Variants in TRIM67 observed in about 807,000 individuals in gnomAD.
The protein encoded by TRIM67 is tripartite motif-containing protein 67.
TRIM67 carries 39 observed loss-of-function variants against 71.0 expected under a neutral mutation model. The ratio of observed to expected loss-of-function variants is 0.55; its 90% CI spans 0.43 to 0.72. The LOEUF (loss-of-function observed/expected upper bound fraction) is 0.72, where lower values mean the gene tolerates loss of function less well. Ranked by LOEUF, TRIM67 falls within the 30% of genes least tolerant of loss-of-function variation. The pLI is 0.00. For synonymous variants in TRIM67, 481 were observed against 473.9 expected, an observed-to-expected ratio of 1.01 and a Z score of -0.19; for missense variants, 973 against 1,079.2, an observed-to-expected ratio of 0.90 and a Z score of 1.38.
chr1:231,214,778 C>CAAAAAA (rs748778482), intron 9 of TRIM67, among the ~76,000 whole-genome samples: 2 of 43,926 alleles, frequency 4.6e-5, no homozygotes, highest in East Asian at 6.7e-4. Context: ...GACTTCATCT[C>CAAAAAA]AAAAAAAAAA....
At chr1:231,192,465 C>A (rs539612364) in intron 1 of TRIM67, among the ~76,000 whole-genome samples, 1 of 152,186 alleles carries the variant, frequency 6.6e-6, no homozygotes, top group Non-Finnish European at 1.5e-5. Flanking sequence ...CAGGTATGAG[C>A]CACTGCTCCA....
chr1:231,185,030 G>T (rs1040941615), intron 1 of TRIM67: 3 of 1,533,034 alleles, frequency 2.0e-6, no homozygotes, highest in East Asian at 2.4e-5. Flanking sequence ...TATTCTGCTT[G>T]CAGGGCCTAG....
chr1:231,207,623 G>A (rs923721797), intron 7 of TRIM67, among the ~76,000 whole-genome samples: 1 of 152,210 alleles, frequency 6.6e-6, no homozygotes, highest in East Asian at 1.9e-4. Flanking sequence ...GACTGCCACA[G>A]CTGGATGGTC....
At chr1:231,208,865 G>C in intron 7 of TRIM67, 82 bp from the exon 8 acceptor site, 1 of 1,374,100 alleles carries the variant, frequency 7.3e-7, no homozygotes, top group Non-Finnish European at 1.0e-6. Flanking sequence ...AGAAGCGAAT[G>C]TGTTTGTGTC....
In TRIM67 at chr1:231,206,793, G is replaced by A. The variant is rs748765510; in HGVS notation, c.1819+3G>A. 1.3e-6 allele frequency: 2 copies of A among 1,588,024 alleles called. No homozygotes were observed. Among genetic ancestry groups the A allele is most frequent in the Non-Finnish European group, 1.7e-6 (2 of 1,168,134 alleles). On this transcript the variant is annotated splice_donor_region_variant and intron_variant, in intron 7 of 9. Coordinates refer to ENST00000366653, the MANE Select transcript of TRIM67 (RefSeq NM_001004342.5). ...TGTCGTCCTGCAGACATCCGATGGT[G>A]AGCATCGGGATCTCTTAGTGGGAAG...
chr1:231,169,038 G>A (rs1345559322), intron 1 of TRIM67, among the ~76,000 whole-genome samples: 1 of 151,762 alleles, frequency 6.6e-6, no homozygotes, highest in Non-Finnish European at 1.5e-5. Flanking sequence ...CTCATTCTGA[G>A]TGGAAGCCCT....
intron 1 of TRIM67, among the ~76,000 whole-genome samples, chr1:231,195,929 T>C (rs910149891): frequency 3.3e-5 from 5 of 152,196 alleles, no homozygotes; most frequent in African/African-American, 1.2e-4. Flanking sequence ...TTGACAACCG[T>C]TGGTGTGGTC....
At chr1:231,169,462 C>T (rs1682566458) in intron 1 of TRIM67, among the ~76,000 whole-genome samples, 1 of 147,330 alleles carries the variant, frequency 6.8e-6, no homozygotes, top group Non-Finnish European at 1.5e-5. Flanking sequence ...TCACTGCAAC[C>T]TCTGCCTCCT....
Position 231,220,277 on chromosome 1 carries a change from C to T in TRIM67, c.*4837C>T, listed in dbSNP as rs1684110545. ...TAAAATAGACCTTTAAGACAGGTTT[C>T]CTATGACCATAGAAAGTAACACCCC... is the stretch of plus-strand genomic sequence containing the variant. On this transcript the variant is annotated 3_prime_UTR_variant, in exon 10 of 10. Transcript: ENST00000366653. 1 of 264,990 alleles carries T rather than the reference C, an allele frequency of 3.8e-6. No homozygotes were observed. Among genetic ancestry groups the T allele is most frequent in the African/African-American group, 2.2e-5 (1 of 44,736 alleles). 16.4% of individuals were successfully genotyped at this position (264,990 alleles called of 1,614,324 possible). A position where few individuals can be genotyped will look rare whatever the true frequency, so the allele number is the denominator to read the frequency against.
chr1:231,183,411 C>T (rs1382369056), intron 1 of TRIM67, among the ~76,000 whole-genome samples: 1 of 151,930 alleles, frequency 6.6e-6, no homozygotes, highest in Non-Finnish European at 1.5e-5. Flanking sequence ...CCAACCTGGG[C>T]AACACAGCAA....
chr1:231,187,428 T>C (rs1414505209), intron 1 of TRIM67: 1 of 1,144,820 alleles, frequency 8.7e-7, no homozygotes, highest in African/African-American at 1.6e-5. Context: ...ACATTTCTCA[T>C]TTATTTCTAC....
intron 8 of TRIM67, among the ~76,000 whole-genome samples, chr1:231,212,504 G>T (rs1440347526): frequency 6.6e-6 from 1 of 152,222 alleles, no homozygotes; most frequent in Non-Finnish European, 1.5e-5. Context: ...CCCAGCTAGA[G>T]AGAGTCTTAT....
At chr1:231,190,383 G>T (rs1472073820) in intron 1 of TRIM67, among the ~76,000 whole-genome samples, 1 of 152,140 alleles carries the variant, frequency 6.6e-6, no homozygotes, top group East Asian at 1.9e-4. Context: ...CAAACACAGG[G>T]AGCTGCAGGG....
At chr1:231,199,336 TC>T (rs1683457951) in intron 3 of TRIM67, among the ~76,000 whole-genome samples, 167 bp downstream of exon 3, 1 of 152,172 alleles carries the variant, frequency 6.6e-6, no homozygotes, top group Admixed American at 6.5e-5. Flanking sequence ...TCGGTTACAT[TC>T]ATGTGACCTG....
At chr1:231,188,065 G>A (rs1199079037) in intron 1 of TRIM67, among the ~76,000 whole-genome samples, 1 of 152,150 alleles carries the variant, frequency 6.6e-6, no homozygotes, top group African/African-American at 2.4e-5. Context: ...ATCTTTGTGA[G>A]AGCGTGATCT....
intron 2 of TRIM67, 45 bp from the exon 3 acceptor site, chr1:231,199,002 C>T: frequency 6.2e-7 from 1 of 1,613,156 alleles, no homozygotes; most frequent in Non-Finnish European, 8.5e-7. Flanking sequence ...CATCTTCCCC[C>T]TAAAACTCTT....
intron 7 of TRIM67, 72 bp from the exon 8 acceptor site, chr1:231,208,875 C>T: frequency 6.9e-7 from 1 of 1,448,992 alleles, no homozygotes; most frequent in Non-Finnish European, 9.3e-7. Flanking sequence ...GTGTTTGTGT[C>T]TCTGAGCCGG....
At chr1:231,185,290 C>T (rs1013852624) in intron 1 of TRIM67, 1 of 1,387,980 alleles carries the variant, frequency 7.2e-7, no homozygotes, top group Non-Finnish European at 9.8e-7. Flanking sequence ...TCCCACCCTC[C>T]TACACTGGAG....
At chr1:231,210,095 G>T (rs1683826257) in intron 8 of TRIM67, among the ~76,000 whole-genome samples, 1 of 152,194 alleles carries the variant, frequency 6.6e-6, no homozygotes, top group Non-Finnish European at 1.5e-5. Flanking sequence ...GGACGTGGGG[G>T]TGAAGAATCC....
Sources: allele counts gnomAD v4.1 joint callset (sites outside exome capture counted in the v4.1 genomes callset), GRCh38; gene constraint gnomAD v4.1.1; transcripts MANE v1.5; gene names NCBI Gene and HGNC (gene_info 2026-07-23, HGNC 2026-07-21).